Variants in MAP3K1 observed in about 807,000 individuals in gnomAD.
MAP3K1 encodes the protein MAP/ERK kinase kinase 1.
MAP3K1 carries 36 observed loss-of-function variants against 144.2 expected under a neutral mutation model. The observed-to-expected ratio is 0.25, with a 90% CI of 0.19 to 0.33. The LOEUF (loss-of-function observed/expected upper bound fraction) is 0.33, where lower values mean the gene tolerates loss of function less well. MAP3K1 is among the 10% of genes least tolerant of loss of function. The pLI, the probability that MAP3K1 is intolerant of heterozygous loss-of-function variation, is 1.00. For synonymous variants in MAP3K1, 718 were observed against 688.7 expected, an observed-to-expected ratio of 1.04 and a Z score of -0.67; for missense variants, 1,650 against 1,881.9, an observed-to-expected ratio of 0.88 and a Z score of 2.28.
chr5:56,882,923 T>C, intron 14 of MAP3K1, 57 bp downstream of exon 14: 1 of 1,368,110 alleles, frequency 7.3e-7, no homozygotes, highest in Non-Finnish European at 1.0e-6. Flanking sequence ...GCACAGTGAC[T>C]CATACCTGGA....
intron 2 of MAP3K1, among the ~76,000 whole-genome samples, chr5:56,858,145 A>G (rs576155933): frequency 2.0e-5 from 3 of 152,346 alleles, no homozygotes; most frequent in African/African-American, 7.2e-5. Context: ...AGGGCATATT[A>G]CTACTCAATC....
At chr5:56,859,667 AC>A (rs772105702) in intron 2 of MAP3K1, 47 bp from the exon 3 acceptor site, 91 of 1,372,692 alleles carry the variant, frequency 6.6e-5, no homozygotes, top group Admixed American at 3.9e-4. Context: ...ACATTTACTT[AC>A]CTTTTATATT....
intron 3 of MAP3K1, among the ~76,000 whole-genome samples, chr5:56,861,589 AAG>A (rs1747514988): frequency 2.1e-5 from 1 of 47,720 alleles, no homozygotes; most frequent in South Asian, 7.6e-4. Flanking sequence ...AAAAAAAAAA[AAG>A]GGGCTATTAA....
At chr5:56,870,735 A>G (rs759152958) in intron 6 of MAP3K1, among the ~76,000 whole-genome samples, 3 of 152,214 alleles carry the variant, frequency 2.0e-5, no homozygotes, top group Non-Finnish European at 4.4e-5. Context: ...TCATGGCTGT[A>G]TAAGATTATG....
At chr5:56,824,850 C>CT (rs1746261935) in intron 1 of MAP3K1, among the ~76,000 whole-genome samples, 2 of 152,140 alleles carry the variant, frequency 1.3e-5, no homozygotes, top group African/African-American at 4.8e-5. Context: ...TATTGTTGAC[C>CT]TGAGTCATTT....
At position 56,895,354 on chromosome 5, in the gene MAP3K1, CTTTT is replaced by C. The variant is rs899366852; in HGVS notation, c.*1677_*1680del. The C allele has an allele frequency of 1.0e-4, 17 of 164,572 alleles. No homozygotes were observed. The highest frequency in any genetic ancestry group is 8.4e-5 in the African/African-American group (3 of 35,800). 10.2% of individuals were successfully genotyped at this position (164,572 alleles called of 1,614,324 possible). ...CTCTAAATGTGTTGTACTTGACTTT[CTTTT>C]TTATTTTGTTTTTTTTTTTTTTTGA... On this transcript the variant is annotated 3_prime_UTR_variant, in exon 20 of 20. Coordinates refer to ENST00000399503, the MANE Select transcript of MAP3K1 (RefSeq NM_005921.2).
chr5:56,872,478 A>C (rs1368739266), intron 7 of MAP3K1, among the ~76,000 whole-genome samples, 163 bp from the exon 8 acceptor site: 2 of 152,222 alleles, frequency 1.3e-5, no homozygotes, highest in African/African-American at 4.8e-5. Context: ...TTTGCAAATC[A>C]AAATCATTTA....
chr5:56,853,460 A>C (rs1747238641), intron 1 of MAP3K1, among the ~76,000 whole-genome samples: 1 of 152,198 alleles, frequency 6.6e-6, no homozygotes, highest in African/African-American at 2.4e-5. Context: ...CAGAGTTAAT[A>C]AGTGATCATT....
chr5:56,825,932 C>T (rs1581207091), intron 1 of MAP3K1, among the ~76,000 whole-genome samples: 1 of 151,986 alleles, frequency 6.6e-6, no homozygotes, highest in East Asian at 1.9e-4. Flanking sequence ...ATTTCAGCAT[C>T]GTGCTCAGTT....
In MAP3K1 at chr5:56,875,098, A is replaced by C; in HGVS notation, c.1753A>C (p.Arg585=). Residue 585 remains arginine, a synonymous_variant, in exon 10 of 20, where the codon AGG becomes CGG. Coordinates refer to ENST00000399503, the MANE Select transcript of MAP3K1 (RefSeq NM_005921.2). Reference sequence around the variant, plus strand: ...CTGGAATGTGAGAGAGATGGCCCTCAGGCGTCTTTCCCATGATGTCAGTGG... The same window carrying C: ...CTGGAATGTGAGAGAGATGGCCCTCCGGCGTCTTTCCCATGATGTCAGTGG... The part of the protein sequence containing the change: ...RNWNVREMAL[R]RLSHDVSGAL... The C allele has an allele frequency of 6.2e-7, 1 of 1,614,198 alleles. No homozygotes were observed. Among genetic ancestry groups the C allele is most frequent in the African/African-American group, 1.3e-5 (1 of 75,058 alleles).
chr5:56,833,767 G>A (rs573024744), intron 1 of MAP3K1, among the ~76,000 whole-genome samples: 1 of 151,796 alleles, frequency 6.6e-6, no homozygotes, highest in East Asian at 1.9e-4. Context: ...ATTCTTGGTT[G>A]GTAATGCCCT....
chr5:56,863,839 C>G (rs1747592788), intron 3 of MAP3K1, among the ~76,000 whole-genome samples: 1 of 152,164 alleles, frequency 6.6e-6, no homozygotes, highest in African/African-American at 2.4e-5. Flanking sequence ...GGAATTTCCA[C>G]TGGACATTGA....
At chr5:56,883,415 C>G in intron 14 of MAP3K1, 112 bp from the exon 15 acceptor site, 3 of 975,688 alleles carry the variant, frequency 3.1e-6, no homozygotes, top group Admixed American at 1.9e-5. Flanking sequence ...TCAGAGGTCA[C>G]ATTTATAGGT....
chr5:56,890,349 T>C (rs1363748182), intron 19 of MAP3K1, among the ~76,000 whole-genome samples: 1 of 152,208 alleles, frequency 6.6e-6, no homozygotes, highest in Admixed American at 6.5e-5. Context: ...TGCATTCTCC[T>C]TCCTAGGTAG....
At chr5:56,889,768 A>G (rs749661580) in intron 19 of MAP3K1, among the ~76,000 whole-genome samples, 26 of 152,104 alleles carry the variant, frequency 1.7e-4, no homozygotes, top group Non-Finnish European at 2.8e-4. Flanking sequence ...TGAAGCATGT[A>G]CTTCGTGGGA....
intron 1 of MAP3K1, among the ~76,000 whole-genome samples, chr5:56,832,396 C>A (rs999449476): frequency 6.6e-6 from 1 of 152,216 alleles, no homozygotes; most frequent in African/African-American, 2.4e-5. Context: ...CACTCTCCTA[C>A]TGTACTTATC....
chr5:56,885,535 T>A (rs1748354593), intron 16 of MAP3K1, among the ~76,000 whole-genome samples: 1 of 152,234 alleles, frequency 6.6e-6, no homozygotes. Context: ...GACGCCTAAC[T>A]CTGGGTTTTC....
At position 56,895,849 on chromosome 5, in the gene MAP3K1, T is replaced by C. The variant is rs1298080595; in HGVS notation, c.*2169T>C. The stretch of plus-strand genomic sequence containing the variant: ...AGTTTCTACTACCTCAGGTGTCCTA[T>C]AGATTTTTCTTCTACCAAAGTTCAC... On this transcript the variant is annotated 3_prime_UTR_variant, in exon 20 of 20. Coordinates refer to ENST00000399503, the MANE Select transcript of MAP3K1 (RefSeq NM_005921.2). The C allele has an allele frequency of 4.3e-6, 1 of 231,270 alleles. No individual in the cohort carries two copies. The highest frequency in any genetic ancestry group is 2.2e-5 in the African/African-American group (1 of 45,216). 14.3% of individuals were successfully genotyped at this position (231,270 alleles called of 1,614,324 possible). A position where few individuals can be genotyped will look rare whatever the true frequency, so the allele number is the denominator to read the frequency against.
At chr5:56,852,892 TATAC>T (rs1000259925) in intron 1 of MAP3K1, among the ~76,000 whole-genome samples, 85 of 152,206 alleles carry the variant, frequency 5.6e-4, no homozygotes, top group East Asian at 3.3e-3. Context: ...ATCACTGCTA[TATAC>T]ATACATACAT....
Sources: gnomAD v4.1 joint callset for allele counts (sites outside exome capture counted in the v4.1 genomes callset) on GRCh38, gnomAD v4.1.1 for gene constraint, MANE v1.5 for transcripts, NCBI Gene and HGNC (gene_info 2026-07-23, HGNC 2026-07-21) for gene names.